ADAMTS12: variants seen among roughly 807,000 people sequenced by gnomAD.
The protein encoded by ADAMTS12 is ADAM metallopeptidase with thrombospondin type 1 motif 12, also known as A disintegrin and metalloproteinase with thrombospondin motifs 12.
In ADAMTS12, 118 loss-of-function variants were observed where a neutral mutation model predicts 167.8. The observed-to-expected ratio is 0.70, with a 90% CI of 0.61 to 0.82. The LOEUF (loss-of-function observed/expected upper bound fraction) is 0.82, where lower values mean the gene tolerates loss of function less well. Ranked by LOEUF, ADAMTS12 falls within the 40% of genes least tolerant of loss-of-function variation. ADAMTS12 has a pLI of 0.00. For synonymous variants in ADAMTS12, 704 were observed against 716.9 expected (o/e 0.98, Z 0.29); for missense variants, 1,916 against 1,998.8 (o/e 0.96, Z 0.79).
chr5:33,583,671 G>T (rs528895664), intron 18 of ADAMTS12, among the ~76,000 whole-genome samples: 1 of 152,084 alleles, frequency 6.6e-6, no homozygotes, highest in Non-Finnish European at 1.5e-5. Context: ...CCGTCTTTTG[G>T]ATGTAAGCCA....
Position 33,718,723 on chromosome 5 carries a change from G to A in ADAMTS12, c.634+32681C>T, listed in dbSNP as rs148594768. On this transcript the variant is annotated intron_variant, in intron 3 of 23. Coordinates refer to ENST00000504830, the MANE Select transcript of ADAMTS12 (RefSeq NM_030955.4). ...TCTGGTAAATGAGGCCACTTTCTGG[G>A]GGCCGCAAACTGGTCACCATACTTG... Among the ~76,000 whole-genome samples the A allele has an allele frequency of 3.4e-4, 52 of 152,230 alleles. 1 individual carries two copies. Among genetic ancestry groups the A allele is most frequent in the African/African-American group, 1.1e-3 (47 of 41,532 alleles).
At chr5:33,617,073 C>A (rs1000341977) in intron 14 of ADAMTS12, among the ~76,000 whole-genome samples, 2 of 152,182 alleles carry the variant, frequency 1.3e-5, no homozygotes, top group African/African-American at 4.8e-5. Flanking sequence ...TGCAAATCAG[C>A]TCTATGAGTT....
intron 2 of ADAMTS12, among the ~76,000 whole-genome samples, chr5:33,829,583 A>G (rs949706982): frequency 1.3e-5 from 2 of 152,126 alleles, no homozygotes; most frequent in Non-Finnish European, 2.9e-5. Flanking sequence ...TAGAAGGAGG[A>G]TCTGACCATT....
At chr5:33,533,938 T>C (rs1307022952) in intron 23 of ADAMTS12, among the ~76,000 whole-genome samples, 4 of 152,222 alleles carry the variant, frequency 2.6e-5, no homozygotes, top group African/African-American at 4.8e-5. Context: ...CTTTCTCTCC[T>C]TTCTCCCAGC....
intron 2 of ADAMTS12, among the ~76,000 whole-genome samples, chr5:33,868,740 C>A (rs540012741): frequency 3.6e-4 from 55 of 152,322 alleles, no homozygotes; most frequent in African/African-American, 1.3e-3. Flanking sequence ...TGGCCCAACA[C>A]AAATTTCTAA....
At chr5:33,863,957 G>A (rs1173327417) in intron 2 of ADAMTS12, among the ~76,000 whole-genome samples, 1 of 152,164 alleles carries the variant, frequency 6.6e-6, no homozygotes, top group Non-Finnish European at 1.5e-5. Context: ...AATGGAGAAA[G>A]GATTCCCTAT....
intron 17 of ADAMTS12, among the ~76,000 whole-genome samples, chr5:33,592,429 TG>T (rs1028578672): frequency 2.0e-5 from 3 of 152,194 alleles, no homozygotes; most frequent in Admixed American, 6.5e-5. Context: ...TTGAGTACTT[TG>T]GATATGCTAG....
intron 3 of ADAMTS12, among the ~76,000 whole-genome samples, chr5:33,728,316 A>C (rs985650733): frequency 2.0e-5 from 3 of 152,246 alleles, no homozygotes; most frequent in African/African-American, 7.2e-5. Context: ...GAACAGTGTC[A>C]GAGCATTGGA....
chr5:33,640,424 T>G (rs1685864452), intron 11 of ADAMTS12, among the ~76,000 whole-genome samples: 1 of 152,194 alleles, frequency 6.6e-6, no homozygotes, highest in African/African-American at 2.4e-5. Flanking sequence ...TTCACACTGG[T>G]GGTGTCTGAA....
chr5:33,884,412 G>A (rs1056712156), intron 1 of ADAMTS12, among the ~76,000 whole-genome samples: 3 of 152,144 alleles, frequency 2.0e-5, no homozygotes, highest in Non-Finnish European at 4.4e-5. Context: ...ACTCCTGGCC[G>A]TGCTTTTGGT....
chr5:33,593,916 C>T (rs912453453), intron 17 of ADAMTS12, among the ~76,000 whole-genome samples: 1 of 152,216 alleles, frequency 6.6e-6, no homozygotes, highest in African/African-American at 2.4e-5. Context: ...TTCTCTGAAC[C>T]TTTATCTCCT....
chr5:33,657,418 G>C (rs1041342930), intron 7 of ADAMTS12, among the ~76,000 whole-genome samples: 6 of 152,160 alleles, frequency 3.9e-5, no homozygotes, highest in Admixed American at 2.6e-4. Flanking sequence ...TTTCCTATTA[G>C]TATGATGCTC....
At chr5:33,842,212 G>A (rs528800044) in intron 2 of ADAMTS12, among the ~76,000 whole-genome samples, 8 of 152,334 alleles carry the variant, frequency 5.3e-5, no homozygotes, top group African/African-American at 1.9e-4. Context: ...TAACTCATAA[G>A]AGAAGCAAAA....
At chr5:33,529,210 C>A (rs917473975) in intron 23 of ADAMTS12, among the ~76,000 whole-genome samples, 35 of 152,280 alleles carry the variant, frequency 2.3e-4, no homozygotes, top group African/African-American at 7.9e-4. Flanking sequence ...TGAGTTCTAA[C>A]CCTTGTTCTC....
At chr5:33,604,446 A>G (rs1738333451) in intron 16 of ADAMTS12, among the ~76,000 whole-genome samples, 1 of 151,874 alleles carries the variant, frequency 6.6e-6, no homozygotes, top group African/African-American at 2.4e-5. Flanking sequence ...GGTTGCAGTG[A>G]GCGGAAATTA....
chr5:33,614,226 G>C lies in ADAMTS12; in HGVS notation c.2527+12C>G, dbSNP rs764901032. ...CTGGCATGGCTTCATAGTGAGAGCA[G>C]CTGTTTCTCACCTGTCCCGCAGGTC... On this transcript the variant is annotated intron_variant, in intron 16 of 23. Coordinates refer to ENST00000504830, the MANE Select transcript of ADAMTS12 (RefSeq NM_030955.4). 1 of 1,612,328 alleles carries C rather than the reference G, an allele frequency of 6.2e-7. No individual in the cohort carries two copies. Among genetic ancestry groups the C allele is most frequent in the Non-Finnish European group, 8.5e-7 (1 of 1,179,076 alleles).
At chr5:33,606,598 GA>G (rs1738449925) in intron 16 of ADAMTS12, among the ~76,000 whole-genome samples, 1 of 152,144 alleles carries the variant, frequency 6.6e-6, no homozygotes, top group Non-Finnish European at 1.5e-5. Flanking sequence ...GAGGACAGAA[GA>G]ATGAAGAAAA....
At chr5:33,833,355 G>T (rs768059473) in intron 2 of ADAMTS12, among the ~76,000 whole-genome samples, 5 of 152,286 alleles carry the variant, frequency 3.3e-5, no homozygotes, top group Admixed American at 6.5e-5. Flanking sequence ...ACACAGCAAG[G>T]AAACACGAGG....
chr5:33,604,110 G>A (rs554191211), intron 16 of ADAMTS12, among the ~76,000 whole-genome samples: 2 of 152,272 alleles, frequency 1.3e-5, no homozygotes, highest in Admixed American at 1.3e-4. Context: ...TATTCATGGA[G>A]TAACCAAATT....
Sources: allele counts gnomAD v4.1 joint callset (sites outside exome capture counted in the v4.1 genomes callset), GRCh38; gene constraint gnomAD v4.1.1; transcripts MANE v1.5; gene names NCBI Gene and HGNC (gene_info 2026-07-23, HGNC 2026-07-21).